AGPS: variants seen among roughly 807,000 people sequenced by gnomAD.
AGPS encodes alkylglycerone phosphate synthase.
A neutral mutation model predicts 90.7 loss-of-function variants in AGPS; 26 were observed. That is an observed-to-expected ratio of 0.29 (90% CI 0.21 to 0.40). The LOEUF is 0.40. Among genes scored for constraint, AGPS ranks in the 10% least tolerant of loss-of-function variants. The pLI, the probability that AGPS is intolerant of heterozygous loss-of-function variation, is 1.00. For synonymous variants in AGPS, 294 were observed against 285.3 expected (o/e 1.03, Z -0.31); for missense variants, 540 against 816.1 (o/e 0.66, Z 4.12).
chr2:177,447,929 C>T lies in AGPS; in HGVS notation c.870+2303C>T, dbSNP rs528839302. 2.6e-5 allele frequency among the ~76,000 whole-genome samples: 4 copies of T among 152,186 alleles called. No individual in the cohort carries two copies. In the East Asian group the frequency reaches 5.8e-4, roughly 22 times the overall value. ...GTAGTTGGGTAGCACAGATTTTAAT[C>T]GCTTTAACTTGTAAATCACATTGAT... is the stretch of plus-strand genomic sequence containing the variant. On this transcript the variant is annotated intron_variant, in intron 8 of 19. Coordinates refer to ENST00000264167, the MANE Select transcript of AGPS (RefSeq NM_003659.4).
chr2:177,479,085 AG>A (rs1184003375), intron 10 of AGPS, among the ~76,000 whole-genome samples: 1 of 152,102 alleles, frequency 6.6e-6, no homozygotes, highest in Admixed American at 6.6e-5. Context: ...CTCAGGAGTT[AG>A]GGGTGGGGAC....
At chr2:177,485,240 G>C (rs912226592) in intron 11 of AGPS, among the ~76,000 whole-genome samples, 11 of 152,120 alleles carry the variant, frequency 7.2e-5, no homozygotes, top group African/African-American at 2.7e-4. Flanking sequence ...TAAAGCTTTT[G>C]ATTAGATGTG....
chr2:177,484,469 GA>G (rs2105696143), intron 11 of AGPS, among the ~76,000 whole-genome samples: 1 of 151,554 alleles, frequency 6.6e-6, no homozygotes, highest in African/African-American at 2.4e-5. Context: ...TCAGCCTCCC[GA>G]GTAGCTGGGA....
intron 12 of AGPS, among the ~76,000 whole-genome samples, chr2:177,495,858 C>G (rs1224236326): frequency 7.3e-6 from 1 of 137,302 alleles, no homozygotes; most frequent in African/African-American, 2.7e-5. Context: ...GCAGAGGTTG[C>G]TGTGAGCCGA....
intron 5 of AGPS, 98 bp from the exon 6 acceptor site, chr2:177,440,867 A>G (rs944840445): frequency 1.0e-6 from 1 of 1,000,674 alleles, no homozygotes; most frequent in Non-Finnish European, 1.6e-6. Context: ...TGAATGAAGG[A>G]AAAGTTTAGA....
intron 8 of AGPS, among the ~76,000 whole-genome samples, chr2:177,449,106 G>C (rs1299201337): frequency 1.3e-5 from 2 of 152,172 alleles, no homozygotes; most frequent in African/African-American, 4.8e-5. Flanking sequence ...TGAACACTTG[G>C]ATTATTTCTA....
chr2:177,484,593 G>T (rs955900627), intron 11 of AGPS, among the ~76,000 whole-genome samples: 1 of 151,838 alleles, frequency 6.6e-6, no homozygotes, highest in Non-Finnish European at 1.5e-5. Flanking sequence ...TGATCCGCCC[G>T]CCCCGGCCTC....
At chr2:177,487,347 G>A (rs1315043303) in intron 11 of AGPS, among the ~76,000 whole-genome samples, 1 of 152,012 alleles carries the variant, frequency 6.6e-6, no homozygotes, top group African/African-American at 2.4e-5. Flanking sequence ...CTTCGAACTA[G>A]GTTTTTAGAA....
chr2:177,533,440 A>G (rs2079155595), intron 19 of AGPS, among the ~76,000 whole-genome samples: 1 of 148,696 alleles, frequency 6.7e-6, no homozygotes, highest in Non-Finnish European at 1.5e-5. Flanking sequence ...CAAAAGGGCC[A>G]GGGACAACAT....
At chr2:177,443,841 T>A (rs1686685958) in intron 7 of AGPS, among the ~76,000 whole-genome samples, 1 of 152,204 alleles carries the variant, frequency 6.6e-6, no homozygotes, top group Non-Finnish European at 1.5e-5. Flanking sequence ...GGGTAGCCTA[T>A]ATGTTTTCTT....
chr2:177,503,573 A>G (rs1688623387), intron 14 of AGPS, among the ~76,000 whole-genome samples: 1 of 152,178 alleles, frequency 6.6e-6, no homozygotes, highest in African/African-American at 2.4e-5. Context: ...CGATGTTGCT[A>G]CTTTAACATA....
chr2:177,522,426 G>A (rs1392092495), intron 18 of AGPS, among the ~76,000 whole-genome samples: 2 of 152,134 alleles, frequency 1.3e-5, no homozygotes, highest in South Asian at 2.1e-4. Flanking sequence ...GAGGGCATAT[G>A]TATGATTCAT....
chr2:177,454,884 A>G (rs1448846255), intron 8 of AGPS, among the ~76,000 whole-genome samples: 2 of 152,128 alleles, frequency 1.3e-5, no homozygotes, highest in African/African-American at 2.4e-5. Flanking sequence ...GGAAACAGGT[A>G]CTGTTTCTGG....
chr2:177,504,946 A>G (rs746328114), intron 14 of AGPS, among the ~76,000 whole-genome samples: 123 of 152,104 alleles, frequency 8.1e-4, no homozygotes, highest in Admixed American at 3.5e-3. Context: ...AAATTTTCCA[A>G]TTGAAAGAGA....
At chr2:177,409,924 C>T (rs1274598165) in intron 1 of AGPS, among the ~76,000 whole-genome samples, 1 of 152,228 alleles carries the variant, frequency 6.6e-6, no homozygotes. Flanking sequence ...CCCTGACTAT[C>T]TGCTTGATAG....
At chr2:177,531,915 A>C (rs2079141420) in intron 19 of AGPS, among the ~76,000 whole-genome samples, 1 of 149,468 alleles carries the variant, frequency 6.7e-6, no homozygotes, top group Non-Finnish European at 1.5e-5. Flanking sequence ...AACAAATAGT[A>C]CTGGGCGGAG....
intron 8 of AGPS, among the ~76,000 whole-genome samples, chr2:177,454,594 A>T (rs868225645): frequency 1.3e-5 from 2 of 150,366 alleles, no homozygotes; most frequent in Middle Eastern, 3.4e-3. Flanking sequence ...TTTTATATAT[A>T]TTTTATTTTT....
Position 177,538,425 on chromosome 2 carries a change from G to A in AGPS, c.*230G>A. The A allele has an allele frequency of 1.9e-6, 1 of 536,102 alleles. No individual in the cohort carries two copies. Among genetic ancestry groups the A allele is most frequent in the Non-Finnish European group, 3.3e-6 (1 of 306,420 alleles). 33.2% of individuals were successfully genotyped at this position (536,102 alleles called of 1,614,324 possible). On this transcript the variant is annotated 3_prime_UTR_variant, in exon 20 of 20. Coordinates refer to ENST00000264167, the MANE Select transcript of AGPS (RefSeq NM_003659.4). ...GTACATCATTTTACATTCAGCGGTT[G>A]TCATTTCAAATTTTAGTCAGGCAGC...
chr2:177,524,385 C>G (rs1166461611), intron 19 of AGPS, among the ~76,000 whole-genome samples: 1 of 152,160 alleles, frequency 6.6e-6, no homozygotes, highest in African/African-American at 2.4e-5. Flanking sequence ...ATCTTTGTTA[C>G]TAGCATGCTT....
Sources: allele counts gnomAD v4.1 joint callset (sites outside exome capture counted in the v4.1 genomes callset), GRCh38; gene constraint gnomAD v4.1.1; transcripts MANE v1.5; gene names NCBI Gene and HGNC (gene_info 2026-07-23, HGNC 2026-07-21).